PLCL2: variants seen among roughly 807,000 people sequenced by gnomAD.
PLCL2 encodes phospholipase C like 2.
In PLCL2, 4 loss-of-function variants were observed where a neutral mutation model predicts 79.6. That is an observed-to-expected ratio of 0.05 (90% CI 0.02 to 0.11). PLCL2 has a LOEUF of 0.11. PLCL2 is among the 10% of genes least tolerant of loss of function. The probability of loss-of-function intolerance (pLI) is 1.00; values close to 1 mark genes in which losing one functional copy is unlikely to be tolerated. For missense variants in PLCL2, 895 were observed against 1,291.0 expected (o/e 0.69, Z 4.70); for synonymous variants, 484 against 457.7 (o/e 1.06, Z -0.73).
At chr3:16,970,855 GTCT>G (rs1347357930) in intron 1 of PLCL2, among the ~76,000 whole-genome samples, 2 of 150,362 alleles carry the variant, frequency 1.3e-5, no homozygotes, top group Non-Finnish European at 3.0e-5. Flanking sequence ...CTGCATAAAT[GTCT>G]TCTTTTGAGA....
Position 17,009,847 on chromosome 3 carries a change from T to G in PLCL2, c.501T>G (p.Ala167=). The G allele has an allele frequency of 1.2e-6, 2 of 1,613,764 alleles. No individual in the cohort carries two copies. The highest frequency in any genetic ancestry group is 1.1e-5 in the South Asian group (1 of 91,074). The stretch of plus-strand genomic sequence containing the variant: ...ATCATAGGTACTTTTTACTGGATGC[T>G]GACATGCAGAGCCTAAGGTGGGAGC... ...RIYHRYFLLD[A]DMQSLRWEPS... is the part of the protein sequence containing the mutation. Residue 167 remains alanine, a synonymous_variant, in exon 2 of 6, where the codon GCT becomes GCG. Coordinates refer to ENST00000615277, the MANE Select transcript of PLCL2 (RefSeq NM_001144382.2). This position sits in a 1 kb window ranked among gnomAD's most constrained non-coding sequence, Gnocchi z 4.0.
intron 1 of PLCL2, among the ~76,000 whole-genome samples, chr3:17,003,140 T>C (rs146492225): frequency 0.014 from 2,190 of 152,350 alleles, 22 homozygotes; most frequent in Non-Finnish European, 0.023. Flanking sequence ...AATGTTTTTT[T>C]GTTGTTTTTG....
At chr3:16,960,287 A>C (rs1466299568) in intron 1 of PLCL2, among the ~76,000 whole-genome samples, 1 of 152,186 alleles carries the variant, frequency 6.6e-6, no homozygotes, top group Non-Finnish European at 1.5e-5. Flanking sequence ...ATGCTGATTT[A>C]TGTCAGCTCC....
intron 1 of PLCL2, among the ~76,000 whole-genome samples, chr3:16,982,405 G>T (rs1241974526): frequency 6.6e-6 from 1 of 152,170 alleles, no homozygotes; most frequent in Non-Finnish European, 1.5e-5. Flanking sequence ...TTTGGGGGGT[G>T]TATGTGTTTT....
At chr3:16,981,558 G>A (rs879147647) in intron 1 of PLCL2, among the ~76,000 whole-genome samples, 1 of 152,308 alleles carries the variant, frequency 6.6e-6, no homozygotes, top group Admixed American at 6.5e-5. Flanking sequence ...CTATCTTTGT[G>A]TACATATCTA....
intron 5 of PLCL2, among the ~76,000 whole-genome samples, chr3:17,078,355 A>G (rs920237346): frequency 3.3e-5 from 5 of 152,160 alleles, no homozygotes; most frequent in Non-Finnish European, 5.9e-5. Context: ...AGCTGGGATC[A>G]CTTAAGAGAT....
chr3:16,893,713 A>G (rs1696404052), intron 1 of PLCL2, among the ~76,000 whole-genome samples: 1 of 152,232 alleles, frequency 6.6e-6, no homozygotes, highest in South Asian at 2.1e-4. Context: ...GTGAGTATTA[A>G]TAGAACAAGA....
chr3:16,920,382 T>C (rs1697097272), intron 1 of PLCL2, among the ~76,000 whole-genome samples: 1 of 152,130 alleles, frequency 6.6e-6, no homozygotes, highest in Admixed American at 6.5e-5. Context: ...TAAGGCATTA[T>C]TAGTATTGTA....
intron 1 of PLCL2, among the ~76,000 whole-genome samples, chr3:16,987,958 G>A (rs1463096735): frequency 6.6e-6 from 1 of 152,146 alleles, no homozygotes; most frequent in African/African-American, 2.4e-5. Flanking sequence ...TTAGCTGTGT[G>A]CTTTGTAAGG....
At chr3:16,945,239 TACACACAC>T (rs10542881) in intron 1 of PLCL2, among the ~76,000 whole-genome samples, 1 of 150,320 alleles carries the variant, frequency 6.7e-6, no homozygotes, top group African/African-American at 2.4e-5. Context: ...CACAAACACA[TACACACAC>T]ACACACACAC....
At chr3:16,910,646 C>G (rs1028908931) in intron 1 of PLCL2, among the ~76,000 whole-genome samples, 5 of 151,980 alleles carry the variant, frequency 3.3e-5, no homozygotes, top group Admixed American at 2.0e-4. Flanking sequence ...CCAACCACTC[C>G]CAAATATACA....
chr3:16,908,301 C>A (rs1696795431), intron 1 of PLCL2, among the ~76,000 whole-genome samples: 1 of 152,040 alleles, frequency 6.6e-6, no homozygotes, highest in Non-Finnish European at 1.5e-5. Flanking sequence ...TTTTACCATC[C>A]ACAATATTAT....
rs9985439 is a variant in PLCL2 at position 16,985,044 on chromosome 3, C to T, written c.328-24630C>T. 6.6e-3 allele frequency among the ~76,000 whole-genome samples: 1,011 copies of T among 152,188 alleles called. 11 individuals are homozygous for T. The highest frequency in any genetic ancestry group is 0.023 in the African/African-American group (958 of 41,500). On this transcript the variant is annotated intron_variant, in intron 1 of 5. Transcript: ENST00000615277. ...AAGTATAAGCACAAGAAGTTTCATT[C>T]CCTGATTTCTGGGCATAGGATTGTT...
At chr3:17,049,961 C>T (rs1029952775) in intron 4 of PLCL2, among the ~76,000 whole-genome samples, 3 of 152,050 alleles carry the variant, frequency 2.0e-5, no homozygotes, top group African/African-American at 7.2e-5. Flanking sequence ...ATCAAAATCG[C>T]ATGATAATGG....
At chr3:16,903,004 A>G (rs2124922422) in intron 1 of PLCL2, among the ~76,000 whole-genome samples, 1 of 152,178 alleles carries the variant, frequency 6.6e-6, no homozygotes, top group African/African-American at 2.4e-5. Context: ...GTTCATTTGA[A>G]ATACAAAGCA....
chr3:17,017,161 T>C (rs1030543546), intron 3 of PLCL2, among the ~76,000 whole-genome samples: 8 of 152,336 alleles, frequency 5.3e-5, no homozygotes, highest in African/African-American at 1.9e-4. Context: ...GATTGGTAGA[T>C]GCTAGCTCTT....
intron 5 of PLCL2, among the ~76,000 whole-genome samples, chr3:17,072,434 C>T (rs975759939): frequency 1.3e-5 from 2 of 151,958 alleles, no homozygotes; most frequent in East Asian, 1.9e-4. Context: ...TTTGGGAGGC[C>T]GAGCTGCATG....
intron 5 of PLCL2, among the ~76,000 whole-genome samples, chr3:17,069,456 A>G (rs781065681): frequency 6.6e-6 from 1 of 152,124 alleles, no homozygotes; most frequent in Non-Finnish European, 1.5e-5. Context: ...TCCAGTTTCT[A>G]GTTAGATCAG....
At chr3:16,918,292 A>G (rs1324963120) in intron 1 of PLCL2, among the ~76,000 whole-genome samples, 1 of 152,206 alleles carries the variant, frequency 6.6e-6, no homozygotes, top group African/African-American at 2.4e-5. Flanking sequence ...GCTTTATATG[A>G]AAATCTCATT....
Sources: allele counts gnomAD v4.1 joint callset (sites outside exome capture counted in the v4.1 genomes callset), GRCh38; gene constraint gnomAD v4.1.1; non-coding constraint Gnocchi (gnomAD v3.1); transcripts MANE v1.5; gene names NCBI Gene and HGNC (gene_info 2026-07-23, HGNC 2026-07-21).